Variants in ATP8A2 observed in about 807,000 individuals in gnomAD.
ATP8A2 encodes ATPase phospholipid transporting 8A2, also known as phospholipid-transporting ATPase IB.
In ATP8A2, 100 loss-of-function variants were observed where a neutral mutation model predicts 165.6. The observed-to-expected ratio is 0.60, with a 90% confidence interval of 0.51 to 0.71. The LOEUF is 0.71. ATP8A2 is among the 30% of genes least tolerant of loss of function. The pLI, the probability that ATP8A2 is intolerant of heterozygous loss-of-function variation, is 0.00. For missense variants in ATP8A2, 1,227 were observed against 1,479.5 expected, an observed-to-expected ratio of 0.83 and a Z score of 2.80; for synonymous variants, 543 against 548.8, an observed-to-expected ratio of 0.99 and a Z score of 0.15.
chr13:25,775,534 C>T (rs912054497), intron 27 of ATP8A2, among the ~76,000 whole-genome samples: 1 of 152,092 alleles, frequency 6.6e-6, no homozygotes, highest in African/African-American at 2.4e-5. Context: ...GCAGTGAGTT[C>T]ATATTCTGTT....
In ATP8A2 at chr13:25,540,497, C is replaced by G. The variant is rs933229263; in HGVS notation, c.651+109C>G. 15 of 796,504 alleles carry G rather than the reference C, an allele frequency of 1.9e-5. No individual in the cohort carries two copies. In the Admixed American group the frequency reaches 3.3e-4, roughly 17 times the overall value. The allele number at this position is 796,504 out of a possible 1,614,324, so 49.3% of individuals were successfully genotyped here. A position where few individuals can be genotyped will look rare whatever the true frequency, so the allele number is the denominator to read the frequency against. Reference sequence around the variant, plus strand: ...AAATATTCAGCCACAAAGGGTTATGCCTTAGCCCTAATGGAATCTATGGGA... The same window carrying G: ...AAATATTCAGCCACAAAGGGTTATGGCTTAGCCCTAATGGAATCTATGGGA... On this transcript the variant is annotated intron_variant, in intron 8 of 36. Coordinates refer to ENST00000381655, the MANE Select transcript of ATP8A2 (RefSeq NM_016529.6).
chr13:25,538,904 C>A (rs1355407954), intron 7 of ATP8A2, among the ~76,000 whole-genome samples: 2 of 151,918 alleles, frequency 1.3e-5, no homozygotes, highest in African/African-American at 2.4e-5. Flanking sequence ...GGACTCCAGG[C>A]CTGTGGAGGG....
intron 33 of ATP8A2, among the ~76,000 whole-genome samples, chr13:25,933,572 G>A (rs895377434): frequency 6.6e-6 from 1 of 152,210 alleles, no homozygotes; most frequent in African/African-American, 2.4e-5. Context: ...ACACTAGGAC[G>A]TAGGTAGGTG....
chr13:25,500,403 C>A (rs1213373917), intron 2 of ATP8A2, among the ~76,000 whole-genome samples: 1 of 152,154 alleles, frequency 6.6e-6, no homozygotes, highest in Non-Finnish European at 1.5e-5. Flanking sequence ...TTTAAACTTA[C>A]TAAAGGTTTT....
intron 27 of ATP8A2, 38 bp from the exon 28 acceptor site, chr13:25,828,080 T>C (rs1168741236): frequency 3.9e-6 from 6 of 1,523,598 alleles, no homozygotes; most frequent in Non-Finnish European, 5.5e-6. Context: ...TTTAGGTCAA[T>C]ATTGATATAA....
rs780238959 is a variant in ATP8A2 at position 25,540,314 on chromosome 13, C to A, written c.582-5C>A. 6.2e-7 allele frequency: 1 copy of A among 1,611,952 alleles called. No individual in the cohort carries two copies. Among genetic ancestry groups the A allele is most frequent in the Admixed American group, 1.7e-5 (1 of 59,926 alleles). On this transcript the variant is annotated splice_region_variant and splice_polypyrimidine_tract_variant and intron_variant, in intron 7 of 36. Coordinates refer to ENST00000381655, the MANE Select transcript of ATP8A2 (RefSeq NM_016529.6). ...AAACTTGGCTCTTTTTTTCTCTCTC[C>A]TTAGTGAACCTCAGGCAATGTGTTA...
chr13:25,509,448 C>G (rs953856466), intron 2 of ATP8A2, among the ~76,000 whole-genome samples: 1 of 151,850 alleles, frequency 6.6e-6, no homozygotes. Context: ...ACTACCCACA[C>G]AAATAAAATT....
At chr13:25,413,750 A>G (rs1593273997) in intron 1 of ATP8A2, among the ~76,000 whole-genome samples, 1 of 152,284 alleles carries the variant, frequency 6.6e-6, no homozygotes, top group East Asian at 1.9e-4. Flanking sequence ...GAGGTGCAGG[A>G]CAAAGGTCTT....
intron 22 of ATP8A2, 124 bp downstream of exon 22, chr13:25,580,071 C>T (rs139436685): frequency 9.6e-5 from 106 of 1,106,718 alleles, no homozygotes; most frequent in Middle Eastern, 2.1e-4. Flanking sequence ...CTTAATGAAC[C>T]GTTAGCTCTG....
chr13:25,945,061 A>G (rs539072950), intron 33 of ATP8A2, among the ~76,000 whole-genome samples: 47 of 152,318 alleles, frequency 3.1e-4, no homozygotes, highest in African/African-American at 9.9e-4. Flanking sequence ...GCCTGAGGCC[A>G]GTGTGTCATT....
intron 33 of ATP8A2, among the ~76,000 whole-genome samples, chr13:25,936,548 G>T (rs1458895356): frequency 6.6e-6 from 1 of 152,186 alleles, no homozygotes; most frequent in Non-Finnish European, 1.5e-5. Flanking sequence ...AATGAGGAAG[G>T]GAAATAATCC....
intron 30 of ATP8A2, among the ~76,000 whole-genome samples, chr13:25,853,062 T>C (rs1045158875): frequency 6.6e-6 from 1 of 152,180 alleles, no homozygotes; most frequent in African/African-American, 2.4e-5. Flanking sequence ...GTAAAGTGCT[T>C]AGAACTGTGT....
In ATP8A2 at chr13:25,922,641, A is replaced by G. The variant is rs559820699; in HGVS notation, c.3184-38934A>G. On this transcript the variant is annotated intron_variant, in intron 33 of 36. Transcript: ENST00000381655. ...TTCCCGGAGCTCTTCGGAGAGCACA[A>G]GGCAGGAGGGTCAGTGACGTTCTCG... is the stretch of plus-strand genomic sequence containing the variant. Among the ~76,000 whole-genome samples, 10 of 152,334 alleles carry G rather than the reference A, an allele frequency of 6.6e-5. No individual in the cohort carries two copies. In the South Asian group the frequency reaches 2.1e-3, roughly 32 times the overall value.
At chr13:25,820,742 C>T (rs941178430) in intron 27 of ATP8A2, among the ~76,000 whole-genome samples, 1 of 152,228 alleles carries the variant, frequency 6.6e-6, no homozygotes, top group East Asian at 1.9e-4. Flanking sequence ...TTACCTGTCT[C>T]ATGAATAAAT....
intron 14 of ATP8A2, among the ~76,000 whole-genome samples, chr13:25,559,384 T>G (rs2039075833): frequency 6.6e-6 from 1 of 152,080 alleles, no homozygotes; most frequent in South Asian, 2.1e-4. Flanking sequence ...CATACAAAAT[T>G]AGCTGGGCAT....
intron 35 of ATP8A2, among the ~76,000 whole-genome samples, chr13:25,977,520 C>T (rs552751263): frequency 4.5e-4 from 68 of 152,308 alleles, no homozygotes; most frequent in African/African-American, 1.6e-3. Flanking sequence ...GGAAAATAAA[C>T]TCTTCAGGAA....
chr13:25,731,161 G>A (rs530724918), intron 25 of ATP8A2, among the ~76,000 whole-genome samples: 61 of 100,628 alleles, frequency 6.1e-4, no homozygotes, highest in African/African-American at 9.8e-4. Flanking sequence ...GAAAGAAAGA[G>A]AAAGAAGGAA....
In ATP8A2 at chr13:25,860,871, T is replaced by A; in HGVS notation, c.3075+11T>A. On this transcript the variant is annotated intron_variant, in intron 32 of 36. Transcript: ENST00000381655. ...ACAGCTTGGACTAAAGTAAGTTTTC[T>A]CTAGAATTGTTTCTCTGTTCAGTAT... 1.3e-6 allele frequency: 2 copies of A among 1,565,500 alleles called. No homozygotes were observed. The highest frequency in any genetic ancestry group is 1.7e-6 in the Non-Finnish European group (2 of 1,144,608).
Position 25,454,067 on chromosome 13 carries a change from A to G in ATP8A2, c.77-14910A>G, listed in dbSNP as rs7997936. On this transcript the variant is annotated intron_variant, in intron 1 of 36. Coordinates refer to ENST00000381655, the MANE Select transcript of ATP8A2 (RefSeq NM_016529.6). ...TAGTCATAATGAGGTTGCGACTGCT[A>G]AACTGGCACTGTGGAATGTGTCACT... Among the ~76,000 whole-genome samples, 1,107 of 152,276 alleles carry G rather than the reference A, an allele frequency of 7.3e-3. 14 individuals carry two copies. Among genetic ancestry groups the G allele is most frequent in the African/African-American group, 0.025 (1,052 of 41,560 alleles).
Sources: gnomAD v4.1 joint callset for allele counts (sites outside exome capture counted in the v4.1 genomes callset) on GRCh38, gnomAD v4.1.1 for gene constraint, MANE v1.5 for transcripts, NCBI Gene and HGNC (gene_info 2026-07-23, HGNC 2026-07-21) for gene names.